The following PAPPA variants were observed in gnomAD, a reference collection of about 807,000 sequenced individuals.
PAPPA encodes pappalysin-1.
PAPPA carries 60 observed loss-of-function variants against 164.0 expected under a neutral mutation model. The ratio of observed to expected loss-of-function variants is 0.37; its 90% confidence interval spans 0.30 to 0.45. The LOEUF is 0.45. Among genes scored for constraint, PAPPA ranks in the 20% least tolerant of loss-of-function variants. PAPPA has a pLI of 1.00. For synonymous variants in PAPPA, 875 were observed against 814.1 expected, an observed-to-expected ratio of 1.07 and a Z score of -1.27; for missense variants, 1,782 against 2,087.3, an observed-to-expected ratio of 0.85 and a Z score of 2.85.
chr9:116,214,097 C>G (rs1232671263), intron 4 of PAPPA, among the ~76,000 whole-genome samples: 1 of 152,184 alleles, frequency 6.6e-6, no homozygotes, highest in Non-Finnish European at 1.5e-5. Flanking sequence ...TGAAGATAGA[C>G]ATAGTTTATA....
chr9:116,358,290 T>A (rs1294902222), intron 17 of PAPPA, among the ~76,000 whole-genome samples: 1 of 152,110 alleles, frequency 6.6e-6, no homozygotes, highest in African/African-American at 2.4e-5. Flanking sequence ...TTTCCACTCA[T>A]CCTCCCTTGT....
chr9:116,215,964 A>G (rs1039227914), intron 4 of PAPPA, among the ~76,000 whole-genome samples: 15 of 152,258 alleles, frequency 9.9e-5, no homozygotes, highest in Non-Finnish European at 2.2e-4. Flanking sequence ...ATATATATAC[A>G]TACATATACA....
chr9:116,259,829 G>A (rs374488673), intron 7 of PAPPA, among the ~76,000 whole-genome samples: 22 of 151,870 alleles, frequency 1.4e-4, no homozygotes, highest in African/African-American at 4.4e-4. Flanking sequence ...GTGCACAGAG[G>A]AAAAGAACAC....
chr9:116,312,050 C>T (rs1039742474), intron 10 of PAPPA, among the ~76,000 whole-genome samples: 1 of 152,180 alleles, frequency 6.6e-6, no homozygotes, highest in African/African-American at 2.4e-5. Flanking sequence ...TCTACTGGTT[C>T]TCCATGTAGA....
At chr9:116,170,893 A>G (rs1471060377) in intron 1 of PAPPA, among the ~76,000 whole-genome samples, 1 of 148,068 alleles carries the variant, frequency 6.8e-6, no homozygotes, top group Non-Finnish European at 1.5e-5. Flanking sequence ...AAAAAAAAAA[A>G]TCCCCTGAGA....
At position 116,362,645 on chromosome 9, in the gene PAPPA, C is replaced by T; in HGVS notation, c.4401C>T (p.Ser1467=). 6.2e-7 allele frequency: 1 copy of T among 1,614,106 alleles called. No individual in the cohort carries two copies. The highest frequency in any genetic ancestry group is 8.5e-7 in the Non-Finnish European group (1 of 1,179,986). Residue 1467 remains serine (S), a synonymous_variant, in exon 18 of 22, where the codon TCC becomes TCT. Transcript: ENST00000328252. ...GGAAAGATGGCACCTGGAACGGCTC[C>T]TTCCATGTCTGCCAGGAGATGCAAG... is the stretch of plus-strand genomic sequence containing the variant. ...HCRKDGTWNG[S]FHVCQEMQGQ...
intron 6 of PAPPA, among the ~76,000 whole-genome samples, chr9:116,229,077 G>A (rs1844552863): frequency 6.6e-6 from 1 of 152,176 alleles, no homozygotes; most frequent in Non-Finnish European, 1.5e-5. Flanking sequence ...ATGTGAACAG[G>A]CTTATGGTAA....
At chr9:116,355,441 G>C (rs1366552267) in intron 17 of PAPPA, among the ~76,000 whole-genome samples, 1 of 152,136 alleles carries the variant, frequency 6.6e-6, no homozygotes, top group Non-Finnish European at 1.5e-5. Flanking sequence ...AGTCCAGTAG[G>C]CACCACCTGA....
At chr9:116,345,064 C>G (rs1483795865) in intron 14 of PAPPA, among the ~76,000 whole-genome samples, 2 of 152,220 alleles carry the variant, frequency 1.3e-5, no homozygotes, top group African/African-American at 4.8e-5. Flanking sequence ...GGTGAGCCCT[C>G]TGTCAATGAG....
At chr9:116,205,310 T>C (rs1432552737) in intron 2 of PAPPA, among the ~76,000 whole-genome samples, 2 of 152,148 alleles carry the variant, frequency 1.3e-5, no homozygotes, top group African/African-American at 4.8e-5. Context: ...AAACAACCAA[T>C]TAAAATGTCT....
At chr9:116,356,094 G>C (rs1402183844) in intron 17 of PAPPA, among the ~76,000 whole-genome samples, 1 of 152,156 alleles carries the variant, frequency 6.6e-6, no homozygotes, top group Non-Finnish European at 1.5e-5. Flanking sequence ...AGGGGCTGTT[G>C]TAGGGGAGAG....
At chr9:116,155,737 A>G (rs1843594110) in intron 1 of PAPPA, among the ~76,000 whole-genome samples, 1 of 152,120 alleles carries the variant, frequency 6.6e-6, no homozygotes, top group Non-Finnish European at 1.5e-5. Context: ...TCACAGATGT[A>G]GCACTGACTA....
rs142917704 is a variant in PAPPA at position 116,249,488 on chromosome 9, G to C, written c.2732+13851G>C. 2.0e-4 allele frequency among the ~76,000 whole-genome samples: 31 copies of C among 152,258 alleles called. No homozygotes were observed. The East Asian group carries it at 5.8e-3, about 29-fold the overall frequency. On this transcript the variant is annotated intron_variant, in intron 7 of 21. Coordinates refer to ENST00000328252, the MANE Select transcript of PAPPA (RefSeq NM_002581.5). ...GTGATGAGCCATTGAGTGTCTGTAA[G>C]GTAAGAGAAGATCTTCATTAGATTT...
intron 19 of PAPPA, among the ~76,000 whole-genome samples, chr9:116,368,325 A>G (rs561283580): frequency 6.6e-6 from 1 of 152,348 alleles, no homozygotes; most frequent in South Asian, 2.1e-4. Flanking sequence ...CGAAGACTCC[A>G]TTTTAGCCTC....
At chr9:116,201,595 T>A (rs1371597436) in intron 2 of PAPPA, among the ~76,000 whole-genome samples, 1 of 152,200 alleles carries the variant, frequency 6.6e-6, no homozygotes, top group African/African-American at 2.4e-5. Flanking sequence ...GGGTTTTTCA[T>A]GAGTTGGGTA....
intron 21 of PAPPA, among the ~76,000 whole-genome samples, chr9:116,392,363 T>G (rs777614814): frequency 2.6e-5 from 4 of 152,204 alleles, no homozygotes; most frequent in Non-Finnish European, 5.9e-5. Context: ...TACTGAGGCC[T>G]GAGACAGGTT....
intron 1 of PAPPA, among the ~76,000 whole-genome samples, chr9:116,164,915 A>T (rs1004670979): frequency 1.3e-5 from 2 of 152,216 alleles, no homozygotes; most frequent in African/African-American, 4.8e-5. Context: ...CCAAAGAAAC[A>T]AGGTGTGTCA....
At chr9:116,379,739 G>C (rs546555193) in intron 20 of PAPPA, among the ~76,000 whole-genome samples, 1 of 152,254 alleles carries the variant, frequency 6.6e-6, no homozygotes, top group East Asian at 1.9e-4. Flanking sequence ...ATCCTGAAGA[G>C]CTATCACAAA....
At chr9:116,285,171 CTTT>C in intron 9 of PAPPA, among the ~76,000 whole-genome samples, 7 of 89,482 alleles carry the variant, frequency 7.8e-5, no homozygotes, top group Non-Finnish European at 1.2e-4. Flanking sequence ...TTCTTTCTTT[CTTT>C]TTTTTTTTTT....
Sources: allele counts gnomAD v4.1 joint callset (sites outside exome capture counted in the v4.1 genomes callset), GRCh38; gene constraint gnomAD v4.1.1; transcripts MANE v1.5; gene names NCBI Gene and HGNC (gene_info 2026-07-23, HGNC 2026-07-21).